Variants in TMEM63C observed in about 807,000 individuals in gnomAD.
TMEM63C encodes the protein osmosensitive cation channel TMEM63C.
TMEM63C carries 32 observed loss-of-function variants against 99.2 expected under a neutral mutation model. That is an observed-to-expected ratio of 0.32 (90% CI 0.24 to 0.43). The LOEUF (loss-of-function observed/expected upper bound fraction) is 0.43, where lower values mean the gene tolerates loss of function less well. Ranked by LOEUF, TMEM63C falls within the 20% of genes least tolerant of loss-of-function variation. The probability of loss-of-function intolerance (pLI) is 1.00; values close to 1 mark genes in which losing one functional copy is unlikely to be tolerated. For synonymous variants in TMEM63C, 376 were observed against 397.9 expected (o/e 0.94, Z 0.66); for missense variants, 826 against 1,053.0 (o/e 0.78, Z 2.98).
At chr14:77,245,533 G>A (rs1157341481) in intron 16 of TMEM63C, among the ~76,000 whole-genome samples, 2 of 152,164 alleles carry the variant, frequency 1.3e-5, no homozygotes, top group Admixed American at 1.3e-4. Context: ...CTCAAGACTG[G>A]GTAATTAACA....
At chr14:77,219,838 C>T (rs979614805) in intron 4 of TMEM63C, among the ~76,000 whole-genome samples, 168 bp from the exon 5 acceptor site, 10 of 152,186 alleles carry the variant, frequency 6.6e-5, no homozygotes, top group Non-Finnish European at 8.8e-5. Context: ...GGCACAGGGG[C>T]GATTGCTGTC....
chr14:77,185,997 C>T (rs180896552), intron 1 of TMEM63C, among the ~76,000 whole-genome samples: 67 of 150,958 alleles, frequency 4.4e-4, no homozygotes, highest in Non-Finnish European at 8.1e-4. Flanking sequence ...CCTGGGATGG[C>T]GACCATGTTT....
intron 1 of TMEM63C, among the ~76,000 whole-genome samples, chr14:77,195,656 G>A (rs1888202084): frequency 6.6e-6 from 1 of 152,184 alleles, no homozygotes; most frequent in Non-Finnish European, 1.5e-5. Flanking sequence ...CATTGTCTGT[G>A]CATCTAGGCT....
In TMEM63C at chr14:77,231,563, G is replaced by A. The variant is rs542915187; in HGVS notation, c.351-25G>A. 255 of 1,551,232 alleles carry A rather than the reference G, an allele frequency of 1.6e-4. 2 individuals carry two copies. The South Asian group carries it at 2.3e-3, about 14-fold the overall frequency. On this transcript the variant is annotated intron_variant, in intron 6 of 23. Transcript: ENST00000298351. Reference sequence around the variant, plus strand: ...GTGGCCACGCTGGCTCCTGAGGCACGTCCTTGTCTGTGTGTCTCTTCCAGG... The same window carrying A: ...GTGGCCACGCTGGCTCCTGAGGCACATCCTTGTCTGTGTGTCTCTTCCAGG...
chr14:77,193,834 CAAA>C (rs11337848), intron 1 of TMEM63C, among the ~76,000 whole-genome samples: 5 of 132,086 alleles, frequency 3.8e-5, no homozygotes, highest in African/African-American at 2.8e-5. Flanking sequence ...AACTCCGTCT[CAAA>C]AAAAAAAAAA....
rs1478425610 is a variant in TMEM63C, at chr14:77,218,233, A to AT, written c.-13-568_-13-567insT. Among the ~76,000 whole-genome samples, 4 of 122,166 alleles carry AT rather than the reference A, an allele frequency of 3.3e-5. No homozygotes were observed. The South Asian group carries it at 1.2e-3, about 36-fold the overall frequency. 80.1% of individuals were successfully genotyped at this position (122,166 alleles called of 152,430 possible). A position where few individuals can be genotyped will look rare whatever the true frequency, so the allele number is the denominator to read the frequency against. ...CCTACTATGTACCCACAGAAGTTAA[A>AT]AAAAAAAGAGGGGGGTGTTTCTTGA... is the stretch of plus-strand genomic sequence containing the variant. On this transcript the variant is annotated intron_variant, in intron 2 of 23. Transcript: ENST00000298351.
chr14:77,193,336 G>T (rs1439805458), intron 1 of TMEM63C, among the ~76,000 whole-genome samples: 3 of 152,176 alleles, frequency 2.0e-5, no homozygotes, highest in African/African-American at 4.8e-5. Context: ...AAAATGTTAG[G>T]TTCACATAAG....
At chr14:77,235,487 C>A (rs182003444) in intron 8 of TMEM63C, among the ~76,000 whole-genome samples, 5 of 418 alleles carry the variant, frequency 0.012, 1 homozygote, top group Admixed American at 0.042. Context: ...GGTGGGGGGT[C>A]TGGGGAGACT....
At chr14:77,232,477 G>A (rs527461188) in intron 7 of TMEM63C, among the ~76,000 whole-genome samples, 311 of 152,040 alleles carry the variant, frequency 2.0e-3, no homozygotes, top group Non-Finnish European at 3.3e-3. Context: ...TAGTAGAGAC[G>A]GGTTTTCACC....
chr14:77,217,561 C>T (rs1030503569), intron 2 of TMEM63C, among the ~76,000 whole-genome samples: 3 of 152,180 alleles, frequency 2.0e-5, no homozygotes, highest in African/African-American at 7.2e-5. Flanking sequence ...TGAAGGGTTT[C>T]CAGGTAGAGG....
intron 1 of TMEM63C, among the ~76,000 whole-genome samples, chr14:77,208,982 A>G (rs1181451620): frequency 2.6e-5 from 4 of 151,504 alleles, no homozygotes; most frequent in African/African-American, 9.7e-5. Context: ...CAATCCTCTC[A>G]CCCCATGCTG....
At chr14:77,226,652 T>C (rs968288037) in intron 6 of TMEM63C, among the ~76,000 whole-genome samples, 5 of 152,060 alleles carry the variant, frequency 3.3e-5, no homozygotes, top group Non-Finnish European at 5.9e-5. Context: ...GCCAGTTTGT[T>C]GCAGAGATGA....
chr14:77,186,006 TTTG>T lies in TMEM63C; in HGVS notation c.-77+4124_-77+4126del, dbSNP rs143087719. 3.7e-4 allele frequency among the ~76,000 whole-genome samples: 55 copies of T among 148,180 alleles called. 1 individual carries two copies. Among genetic ancestry groups the T allele is most frequent in the African/African-American group, 1.0e-4 (4 of 38,178 alleles). ...GGGACCCCTGGGATGGCGACCATGT[TTTG>T]TTGTTGTTGTTTTTTTTTTTGAAAC... On this transcript the variant is annotated intron_variant, in intron 1 of 23. Coordinates refer to ENST00000298351, the MANE Select transcript of TMEM63C (RefSeq NM_020431.4).
intron 1 of TMEM63C, among the ~76,000 whole-genome samples, chr14:77,189,236 A>T (rs1288475283): frequency 1.3e-5 from 2 of 151,168 alleles, no homozygotes; most frequent in African/African-American, 4.9e-5. Flanking sequence ...CAGCCTCCTG[A>T]GTAGCTGGGA....
chr14:77,247,724 C>A (rs771736480), intron 18 of TMEM63C, among the ~76,000 whole-genome samples: 27 of 152,120 alleles, frequency 1.8e-4, no homozygotes, highest in Non-Finnish European at 3.4e-4. Context: ...TTGCAAATGA[C>A]ATGCAAACTT....
chr14:77,245,961 G>A lies in TMEM63C; in HGVS notation c.1470G>A (p.Met490Ile), dbSNP rs1289189081. Residue 490 changes from methionine (M) to isoleucine (I), a missense_variant, in exon 17 of 24, where the codon ATG (methionine) becomes ATA (isoleucine). By Grantham distance (10) the Met-to-Ile change is conservative. Transcript: ENST00000298351. ...CTAGATCAAGTCAGAATCTGGTCAT[G>A]GTGCACAAGTGCTACATCTTTCTGG... Reference protein sequence around the residue: ...HWTRSSQNLVMVHKCYIFLVF... With the variant: ...HWTRSSQNLVIVHKCYIFLVF... 2 of 1,613,816 alleles carry A rather than the reference G, an allele frequency of 1.2e-6. No homozygotes were observed. The highest frequency in any genetic ancestry group is 1.7e-6 in the Non-Finnish European group (2 of 1,179,834).
intron 1 of TMEM63C, among the ~76,000 whole-genome samples, chr14:77,200,770 C>CA (rs1888286104): frequency 2.0e-5 from 3 of 152,314 alleles, no homozygotes; most frequent in Admixed American, 6.5e-5. Context: ...ATGTTCTGCC[C>CA]TGTCCTCCAC....
At chr14:77,251,331 T>A (rs1889355436) in intron 21 of TMEM63C, among the ~76,000 whole-genome samples, 2 of 152,222 alleles carry the variant, frequency 1.3e-5, no homozygotes, top group South Asian at 4.1e-4. Context: ...GGATCAAATA[T>A]TCCCAAATGT....
chr14:77,223,718 C>T (rs893361933), intron 5 of TMEM63C, among the ~76,000 whole-genome samples: 7 of 152,120 alleles, frequency 4.6e-5, no homozygotes, highest in Admixed American at 3.9e-4. Flanking sequence ...TTCATGGCCA[C>T]GCTTCTACTC....
Sources: gnomAD v4.1 joint callset for allele counts (sites outside exome capture counted in the v4.1 genomes callset) on GRCh38, gnomAD v4.1.1 for gene constraint, MANE v1.5 for transcripts, NCBI Gene and HGNC (gene_info 2026-07-23, HGNC 2026-07-21) for gene names.